ANOS1: variants seen among roughly 807,000 people sequenced by gnomAD.
The protein encoded by ANOS1 is anosmin-1.
ANOS1 carries 6 observed loss-of-function variants against 59.0 expected under a neutral mutation model. That is an observed-to-expected ratio of 0.10 (90% CI 0.06 to 0.20). The LOEUF (loss-of-function observed/expected upper bound fraction) is 0.20, where lower values mean the gene tolerates loss of function less well. Ranked by LOEUF, ANOS1 falls within the 10% of genes least tolerant of loss-of-function variation. The pLI is 1.00. For missense variants in ANOS1, 433 were observed against 542.3 expected, an observed-to-expected ratio of 0.80 and a Z score of 2.00; for synonymous variants, 217 against 223.4, an observed-to-expected ratio of 0.97 and a Z score of 0.25.
intron 3 of ANOS1, among the ~76,000 whole-genome samples, chrX:8,620,791 C>T (rs758493077): frequency 6.3e-5 from 7 of 111,948 alleles, no homozygotes; most frequent in Admixed American, 3.8e-4. Context: ...CTGTTTTCCC[C>T]ACCTTTCAAG....
intron 1 of ANOS1, among the ~76,000 whole-genome samples, chrX:8,707,126 T>C (rs1932784392): frequency 8.9e-6 from 1 of 111,778 alleles, no homozygotes; most frequent in Admixed American, 9.5e-5. Context: ...AATTTAATGA[T>C]CATATGCCCC....
intron 3 of ANOS1, among the ~76,000 whole-genome samples, chrX:8,603,175 A>G (rs892777798): frequency 8.9e-6 from 1 of 112,147 alleles, no homozygotes; most frequent in African/African-American, 3.2e-5. Context: ...AAGATTATGT[A>G]TTTTTTCTAG....
rs1345975790 is a variant in ANOS1 at position 8,533,175 on chromosome X, T to C, written c.1985-122A>G. The C allele has an allele frequency of 8.0e-6, 4 of 499,720 alleles. No homozygotes were observed. The African/African-American group carries it at 9.4e-5, about 12-fold the overall frequency. 41.2% of individuals were successfully genotyped at this position (499,720 alleles called of 1,213,427 possible). On this transcript the variant is annotated intron_variant, in intron 13 of 13. Coordinates refer to ENST00000262648, the MANE Select transcript of ANOS1 (RefSeq NM_000216.4). The stretch of plus-strand genomic sequence containing the variant: ...AAATGTTCCTTCCTATGACCATGTC[T>C]TTCCTATTCTGAATCTGAATGTACA...
intron 2 of ANOS1, among the ~76,000 whole-genome samples, chrX:8,671,987 C>A (rs900327874): frequency 9.0e-6 from 1 of 110,630 alleles, no homozygotes; most frequent in Non-Finnish European, 1.9e-5. Context: ...CTATAGCCAC[C>A]ATGTTGTACA....
intron 2 of ANOS1, among the ~76,000 whole-genome samples, chrX:8,670,838 C>T (rs980596583): frequency 1.8e-5 from 2 of 111,465 alleles, no homozygotes; most frequent in Middle Eastern, 4.7e-3. Context: ...CTCTTCCAGT[C>T]GCCTTCACCT....
At chrX:8,571,644 G>A (rs1930235292) in intron 6 of ANOS1, among the ~76,000 whole-genome samples, 1 of 111,999 alleles carries the variant, frequency 8.9e-6, no homozygotes, top group Non-Finnish European at 1.9e-5. Flanking sequence ...AGAGAAAGAT[G>A]AGGTGCTGGA....
chrX:8,623,829 C>T lies in ANOS1; in HGVS notation c.256-159G>A, dbSNP rs138679163. 2.2e-3 allele frequency among the ~76,000 whole-genome samples: 242 copies of T among 111,194 alleles called. 6 individuals are homozygous for T. Among genetic ancestry groups the T allele is most frequent in the Non-Finnish European group, 2.2e-3 (119 of 53,043 alleles). ...CTGCTCTTTTTAACTGGGTATAACA[C>T]GAATCTGAGCAAAAGCATCATTACA... On this transcript the variant is annotated intron_variant, in intron 2 of 13. Coordinates refer to ENST00000262648, the MANE Select transcript of ANOS1 (RefSeq NM_000216.4).
intron 3 of ANOS1, among the ~76,000 whole-genome samples, chrX:8,607,061 G>A (rs911718561): frequency 1.8e-5 from 2 of 112,129 alleles, no homozygotes; most frequent in African/African-American, 6.5e-5. Flanking sequence ...AGGTTGCAGT[G>A]AGCCAAGATT....
At chrX:8,623,514 CA>C (rs1304656443) in intron 3 of ANOS1, 93 bp downstream of exon 3, 2 of 637,874 alleles carry the variant, frequency 3.1e-6, no homozygotes, top group South Asian at 4.6e-5. Context: ...CCCCAAGCTG[CA>C]GAAGAATAAG....
chrX:8,696,118 C>A (rs942618843), intron 2 of ANOS1, among the ~76,000 whole-genome samples: 2 of 112,165 alleles, frequency 1.8e-5, no homozygotes, highest in Non-Finnish European at 3.8e-5. Flanking sequence ...CAGGTTCCTT[C>A]TATCTTTCTT....
At chrX:8,709,352 C>G (rs1162040977) in intron 1 of ANOS1, among the ~76,000 whole-genome samples, 3 of 109,653 alleles carry the variant, frequency 2.7e-5, no homozygotes, top group African/African-American at 9.9e-5. Context: ...TTTAAGAAAA[C>G]AAATGTCAAT....
intron 2 of ANOS1, among the ~76,000 whole-genome samples, chrX:8,683,623 C>T (rs2146888008): frequency 8.9e-6 from 1 of 111,922 alleles, no homozygotes; most frequent in East Asian, 2.8e-4. Context: ...TTTCCTTGGC[C>T]AAAAATAGAA....
chrX:8,716,855 A>G (rs1244223151), intron 1 of ANOS1, among the ~76,000 whole-genome samples: 1 of 112,290 alleles, frequency 8.9e-6, no homozygotes, highest in Non-Finnish European at 1.9e-5. Flanking sequence ...AGCAAAACAT[A>G]TACAGATAGA....
At chrX:8,590,780 A>G (rs1196390723) in intron 4 of ANOS1, among the ~76,000 whole-genome samples, 3 of 112,254 alleles carry the variant, frequency 2.7e-5, no homozygotes, top group African/African-American at 9.7e-5. Context: ...CTAGTGCAAC[A>G]TTTATGCAAA....
At chrX:8,556,723 A>C (rs1439503423) in intron 8 of ANOS1, among the ~76,000 whole-genome samples, 2 of 112,242 alleles carry the variant, frequency 1.8e-5, no homozygotes, top group Non-Finnish European at 3.8e-5. Flanking sequence ...GGATAGGAAG[A>C]ATCAATATCG....
intron 2 of ANOS1, among the ~76,000 whole-genome samples, chrX:8,674,686 G>T (rs761632098): frequency 6.6e-4 from 74 of 112,363 alleles, no homozygotes; most frequent in Non-Finnish European, 9.4e-4. Context: ...GGCCTCATGC[G>T]GCCCAAGGGC....
intron 2 of ANOS1, among the ~76,000 whole-genome samples, chrX:8,679,707 G>A (rs753619174): frequency 9.0e-6 from 1 of 110,709 alleles, no homozygotes; most frequent in East Asian, 2.9e-4. Context: ...AAAAAGTTCC[G>A]GAGATCTGTT....
chrX:8,708,473 C>T (rs1804130478), intron 1 of ANOS1, among the ~76,000 whole-genome samples: 1 of 111,826 alleles, frequency 8.9e-6, no homozygotes, highest in South Asian at 3.7e-4. Flanking sequence ...CAGCACTTCT[C>T]AAAAGAAGAC....
intron 3 of ANOS1, among the ~76,000 whole-genome samples, chrX:8,599,511 G>A (rs1219879121): frequency 9.0e-6 from 1 of 111,687 alleles, no homozygotes; most frequent in Non-Finnish European, 1.9e-5. Flanking sequence ...GCTCCTCCCT[G>A]ATGACTAAAT....
Sources: gnomAD v4.1 joint callset for allele counts (sites outside exome capture counted in the v4.1 genomes callset) on GRCh38, gnomAD v4.1.1 for gene constraint, MANE v1.5 for transcripts, NCBI Gene and HGNC (gene_info 2026-07-23, HGNC 2026-07-21) for gene names.